Variants in LHPP observed in about 807,000 individuals in gnomAD.
The protein encoded by LHPP is hLHPP.
In LHPP, 24 loss-of-function variants were observed where a neutral mutation model predicts 30.3. The observed-to-expected ratio is 0.79, with a 90% CI of 0.57 to 1.11. LHPP has a LOEUF of 1.11. LHPP is among the 50% of genes most tolerant of loss of function. The pLI, the probability that LHPP is intolerant of heterozygous loss-of-function variation, is 0.00. For synonymous variants in LHPP, 150 were observed against 157.1 expected, an observed-to-expected ratio of 0.95 and a Z score of 0.34; for missense variants, 356 against 367.2, an observed-to-expected ratio of 0.97 and a Z score of 0.25.
intron 1 of LHPP, among the ~76,000 whole-genome samples, chr10:124,467,646 C>T (rs1233370471): frequency 6.6e-6 from 1 of 151,406 alleles, no homozygotes; most frequent in African/African-American, 2.4e-5. Context: ...CCAAGTTTCC[C>T]AGATAGCTGG....
chr10:124,465,334 A>G (rs1952525531), intron 1 of LHPP, among the ~76,000 whole-genome samples: 1 of 152,134 alleles, frequency 6.6e-6, no homozygotes, highest in African/African-American at 2.4e-5. Context: ...AGGTGTCCGG[A>G]CTTTATCCTG....
Position 124,478,868 on chromosome 10 carries a change from A to G in LHPP, c.126-5271A>G, listed in dbSNP as rs1405650688. 6.6e-6 allele frequency among the ~76,000 whole-genome samples: 1 copy of G among 152,160 alleles called. No individual in the cohort carries two copies. Among genetic ancestry groups the G allele is most frequent in the African/African-American group, 2.4e-5 (1 of 41,440 alleles). ...TGGATCACTGGAGATTGGGAGTTCA[A>G]GACCAGCCTGGGCAACATGGTGAGA... On this transcript the variant is annotated intron_variant, in intron 1 of 6. Coordinates refer to ENST00000368842, the MANE Select transcript of LHPP (RefSeq NM_022126.4). The surrounding 1 kb of genome is among the most constrained non-coding windows in gnomAD (Gnocchi z 4.7).
chr10:124,581,982 C>T (rs1405087259), intron 6 of LHPP, among the ~76,000 whole-genome samples: 1 of 152,108 alleles, frequency 6.6e-6, no homozygotes, highest in Non-Finnish European at 1.5e-5. Context: ...TGGGGTTTCA[C>T]CATGTTAGCC....
intron 1 of LHPP, among the ~76,000 whole-genome samples, chr10:124,470,401 G>T (rs995403316): frequency 6.6e-5 from 10 of 152,082 alleles, no homozygotes; most frequent in African/African-American, 2.2e-4. Flanking sequence ...GATCGGCCTG[G>T]TGCTGTGGAG....
intron 6 of LHPP, among the ~76,000 whole-genome samples, chr10:124,567,493 C>T (rs11599243): frequency 0.14 from 21,042 of 152,256 alleles, 1,951 homozygotes; most frequent in Non-Finnish European, 0.2. Context: ...TCTGGCCGCC[C>T]GGCTCATAGC....
intron 6 of LHPP, among the ~76,000 whole-genome samples, chr10:124,535,355 T>A (rs2133937057): frequency 6.6e-6 from 1 of 152,354 alleles, no homozygotes; most frequent in Middle Eastern, 3.4e-3. Context: ...TGGTGGTTAC[T>A]GTCAGTTCCA....
At chr10:124,595,882 G>A (rs1035119989) in intron 6 of LHPP, among the ~76,000 whole-genome samples, 1 of 152,154 alleles carries the variant, frequency 6.6e-6, no homozygotes, top group African/African-American at 2.4e-5. Context: ...TGTACACACC[G>A]CTCTCCCTGC....
chr10:124,605,927 G>A (rs1170360630), intron 6 of LHPP, among the ~76,000 whole-genome samples: 2 of 152,136 alleles, frequency 1.3e-5, no homozygotes, highest in Non-Finnish European at 2.9e-5. Context: ...GTGGGTTCCG[G>A]TGGTTAAGGC....
At chr10:124,534,015 C>T (rs1011082675) in intron 6 of LHPP, among the ~76,000 whole-genome samples, 11 of 122,724 alleles carry the variant, frequency 9.0e-5, no homozygotes, top group South Asian at 2.8e-4. Context: ...CAGGCTCTAA[C>T]GGCAGAGTTT....
At chr10:124,554,110 A>G (rs969796405) in intron 6 of LHPP, 4 of 980,062 alleles carry the variant, frequency 4.1e-6, no homozygotes, top group Admixed American at 6.2e-5. Context: ...CTGCTCTGAC[A>G]TTTACAGCTG....
intron 6 of LHPP, among the ~76,000 whole-genome samples, chr10:124,538,106 G>GCGAGTCTCACCATGCAGGGTCACCACA (rs1564817422): frequency 3.9e-5 from 6 of 152,086 alleles, no homozygotes; most frequent in African/African-American, 1.4e-4. Flanking sequence ...GGGTCACCAT[G>GCGAGTCTCACCATGCAGGGTCACCACA]CGAGTCTCAC....
At chr10:124,480,942 T>C (rs1353396389) in intron 1 of LHPP, among the ~76,000 whole-genome samples, 4 of 152,310 alleles carry the variant, frequency 2.6e-5, no homozygotes, top group African/African-American at 9.6e-5. Flanking sequence ...CACTGAAGCC[T>C]GTCTGTTTCT....
intron 6 of LHPP, among the ~76,000 whole-genome samples, chr10:124,595,277 C>A (rs1948928881): frequency 6.6e-6 from 1 of 152,192 alleles, no homozygotes; most frequent in Non-Finnish European, 1.5e-5. Context: ...GCGAGGAGGG[C>A]ACCCAGCAGG....
At chr10:124,559,745 T>C (rs1948361138) in intron 6 of LHPP, among the ~76,000 whole-genome samples, 1 of 152,254 alleles carries the variant, frequency 6.6e-6, no homozygotes, top group Non-Finnish European at 1.5e-5. Flanking sequence ...GGGAGATCAG[T>C]TCTTGGAAGT....
At chr10:124,610,971 G>A (rs1949186344) in intron 6 of LHPP, among the ~76,000 whole-genome samples, 3 of 74,100 alleles carry the variant, frequency 4.0e-5, no homozygotes. Context: ...GAGGGTGCGG[G>A]TGAGGGTGCT....
At chr10:124,483,331 G>A (rs756886280) in intron 1 of LHPP, among the ~76,000 whole-genome samples, 9 of 152,314 alleles carry the variant, frequency 5.9e-5, no homozygotes, top group Admixed American at 2.0e-4. Flanking sequence ...AGGCGTGGAC[G>A]TGTGCAGCTC....
intron 6 of LHPP, among the ~76,000 whole-genome samples, chr10:124,564,610 G>A (rs566108547): frequency 1.3e-5 from 2 of 152,220 alleles, no homozygotes; most frequent in African/African-American, 4.8e-5. Flanking sequence ...CCTTCCTACA[G>A]ATATGAACAG....
chr10:124,498,818 C>A (rs994860753), intron 5 of LHPP: 2 of 293,950 alleles, frequency 6.8e-6, no homozygotes, highest in Non-Finnish European at 6.3e-6. Flanking sequence ...CTAACCAGGC[C>A]CCCCCCCCGC....
intron 6 of LHPP, among the ~76,000 whole-genome samples, chr10:124,544,715 G>A (rs958407517): frequency 3.9e-5 from 6 of 152,300 alleles, no homozygotes; most frequent in African/African-American, 1.2e-4. Context: ...GCCGGGCCTC[G>A]GTGTTCTCGT....
Sources: gnomAD v4.1 joint callset for allele counts (sites outside exome capture counted in the v4.1 genomes callset) on GRCh38, gnomAD v4.1.1 for gene constraint, Gnocchi (gnomAD v3.1) non-coding constraint, MANE v1.5 for transcripts, NCBI Gene and HGNC (gene_info 2026-07-23, HGNC 2026-07-21) for gene names.